The following TBC1D9 variants were observed in gnomAD, a reference collection of about 807,000 sequenced individuals.
TBC1D9 encodes TBC1 domain family member 9A.
TBC1D9 carries 63 observed loss-of-function variants against 132.0 expected under a neutral mutation model. That is an observed-to-expected ratio of 0.48 (90% CI 0.39 to 0.59). The LOEUF (loss-of-function observed/expected upper bound fraction) is 0.59. TBC1D9 is among the 20% of genes least tolerant of loss of function. TBC1D9 has a pLI of 0.00. For missense variants in TBC1D9, 1,261 were observed against 1,592.7 expected (o/e 0.79, Z 3.54); for synonymous variants, 610 against 609.9 (o/e 1.00, Z 0.00).
chr4:140,681,729 C>G (rs1212091258), intron 3 of TBC1D9, among the ~76,000 whole-genome samples: 1 of 152,150 alleles, frequency 6.6e-6, no homozygotes, highest in Non-Finnish European at 1.5e-5. Flanking sequence ...ACAGTATTCC[C>G]ACCTTATAAT....
Position 140,621,364 on chromosome 4 carries a change from C to G in TBC1D9, c.*831G>C, listed in dbSNP as rs1186980255. 5.9e-5 allele frequency: 9 copies of G among 152,284 alleles called. No homozygotes were observed. Among genetic ancestry groups the G allele is most frequent in the Admixed American group, 5.9e-4 (9 of 15,288 alleles). The allele number at this position is 152,284 out of a possible 1,614,324, so 9.4% of individuals were successfully genotyped here. A position where few individuals can be genotyped will look rare whatever the true frequency, so the allele number is the denominator to read the frequency against. ...TATCAGAAGCATCAGTACTTTTACT[C>G]TTTCAAAAACAAAAGCAAAGCAAAA... On this transcript the variant is annotated 3_prime_UTR_variant, in exon 21 of 21. Transcript: ENST00000442267.
chr4:140,623,964 T>C (rs1236541503), intron 20 of TBC1D9, among the ~76,000 whole-genome samples, 152 bp downstream of exon 20: 2 of 151,754 alleles, frequency 1.3e-5, no homozygotes, highest in African/African-American at 2.4e-5. Flanking sequence ...GATGCATAAA[T>C]ACATGCACAA....
chr4:140,716,934 A>C (rs969486113), intron 1 of TBC1D9, among the ~76,000 whole-genome samples: 3 of 151,606 alleles, frequency 2.0e-5, no homozygotes, highest in South Asian at 2.1e-4. Flanking sequence ...AAAAAAAAAA[A>C]ACACAAACAA....
chr4:140,674,691 A>T (rs181185764), intron 6 of TBC1D9, among the ~76,000 whole-genome samples: 8,086 of 144,960 alleles, frequency 0.056, 246 homozygotes, highest in East Asian at 0.095. Flanking sequence ...ATATATATAT[A>T]TTTTTTTTTA....
chr4:140,623,435 T>A (rs1473005501), intron 20 of TBC1D9, among the ~76,000 whole-genome samples: 1 of 152,196 alleles, frequency 6.6e-6, no homozygotes, highest in Non-Finnish European at 1.5e-5. Flanking sequence ...AAAGTAAACA[T>A]CCATGTACAG....
intron 1 of TBC1D9, among the ~76,000 whole-genome samples, chr4:140,717,017 TGA>T (rs1578853994): frequency 6.6e-6 from 1 of 151,644 alleles, no homozygotes; most frequent in Non-Finnish European, 1.5e-5. Context: ...AATAATACAA[TGA>T]AAGACTTGGG....
chr4:140,729,450 AGAT>A (rs758456230), intron 1 of TBC1D9, among the ~76,000 whole-genome samples: 14 of 152,180 alleles, frequency 9.2e-5, no homozygotes, highest in African/African-American at 3.4e-4. Context: ...GGCACCAGGG[AGAT>A]GATAATTTCA....
intron 1 of TBC1D9, among the ~76,000 whole-genome samples, chr4:140,751,940 T>C (rs904181661): frequency 1.3e-5 from 2 of 152,202 alleles, no homozygotes; most frequent in Admixed American, 6.5e-5. Context: ...TTGACAAGGA[T>C]ATGTGATGGA....
intron 1 of TBC1D9, among the ~76,000 whole-genome samples, chr4:140,711,840 C>T (rs78529460): frequency 1.5e-4 from 23 of 152,218 alleles, no homozygotes; most frequent in African/African-American, 5.3e-4. Flanking sequence ...AATTACAATA[C>T]ATGTATTAAT....
chr4:140,673,718 T>G (rs966016150), intron 6 of TBC1D9, among the ~76,000 whole-genome samples: 2 of 152,182 alleles, frequency 1.3e-5, no homozygotes, highest in African/African-American at 4.8e-5. Flanking sequence ...CTCTGCAGAC[T>G]GCCTCTCTTC....
chr4:140,719,666 T>C (rs572481494), intron 1 of TBC1D9, among the ~76,000 whole-genome samples: 7 of 152,284 alleles, frequency 4.6e-5, no homozygotes, highest in African/African-American at 1.7e-4. Flanking sequence ...ATATAATCTA[T>C]CACTGATGTC....
At chr4:140,675,367 G>C (rs900373902) in intron 6 of TBC1D9, among the ~76,000 whole-genome samples, 3 of 152,152 alleles carry the variant, frequency 2.0e-5, no homozygotes, top group Admixed American at 2.0e-4. Context: ...AGGGATGTTA[G>C]CAAGGGGACA....
rs1560891585 is a variant in TBC1D9, at chr4:140,706,685, AC to A, written c.131-5072del. On this transcript the variant is annotated intron_variant, in intron 1 of 20. Transcript: ENST00000442267. This position sits in a 1 kb window ranked among gnomAD's most constrained non-coding sequence, Gnocchi z 4.0. ...GTATTCTTCCTATCCAGGTCCTTAT[AC>A]TTTTACTGAGCCATGTTTTTCATAT... Among the ~76,000 whole-genome samples the A allele has an allele frequency of 2.0e-5, 3 of 151,960 alleles. No homozygotes were observed. The South Asian group carries it at 6.2e-4, about 32-fold the overall frequency.
At position 140,756,175 on chromosome 4, in the gene TBC1D9, C is replaced by CA; in HGVS notation, c.-131_-130insT. Reference sequence around the variant, plus strand: ...CGTCCGCTAGGTGCGGCGGCGGCGGCGGCAGGCGACTTCAGGGGGTGGCCC... The same window carrying CA: ...CGTCCGCTAGGTGCGGCGGCGGCGGCAGGCAGGCGACTTCAGGGGGTGGCCC... On this transcript the variant is annotated 5_prime_UTR_variant, in exon 1 of 21. Coordinates refer to ENST00000442267, the MANE Select transcript of TBC1D9 (RefSeq NM_015130.3). The surrounding 1 kb of genome is among the most constrained non-coding windows in gnomAD (Gnocchi z 5.6). 3.2e-6 allele frequency: 2 copies of CA among 632,210 alleles called. No individual in the cohort carries two copies. The highest frequency in any genetic ancestry group is 4.6e-6 in the Non-Finnish European group (2 of 435,210). The allele number at this position is 632,210 out of a possible 1,614,324, so 39.2% of individuals were successfully genotyped here.
chr4:140,649,959 C>T (rs911030261), intron 13 of TBC1D9, among the ~76,000 whole-genome samples: 91 of 152,106 alleles, frequency 6.0e-4, no homozygotes, highest in Non-Finnish European at 2.6e-4. Context: ...TTATATTTTA[C>T]GTAAAAATAT....
chr4:140,634,887 A>G (rs969223064), intron 15 of TBC1D9, among the ~76,000 whole-genome samples: 1 of 152,200 alleles, frequency 6.6e-6, no homozygotes, highest in African/African-American at 2.4e-5. Flanking sequence ...ATAGAGATCC[A>G]GACCCAGCAA....
chr4:140,645,415 A>C, intron 13 of TBC1D9: 1 of 450,130 alleles, frequency 2.2e-6, no homozygotes, highest in Non-Finnish European at 4.4e-6. Context: ...GCGCATCCAA[A>C]TGCCTTGGCA....
Position 140,672,890 on chromosome 4 carries a change from T to C in TBC1D9, c.1060-1964A>G, listed in dbSNP as rs531121345. On this transcript the variant is annotated intron_variant, in intron 6 of 20. Coordinates refer to ENST00000442267, the MANE Select transcript of TBC1D9 (RefSeq NM_015130.3). ...TGAATGAAAAAAAAGGCTAGGCACG[T>C]GGCTCACGCCTGTAATCCCAGCACT... Among the ~76,000 whole-genome samples the C allele has an allele frequency of 7.2e-5, 11 of 152,336 alleles. No individual in the cohort carries two copies. The South Asian group carries it at 1.5e-3, about 20-fold the overall frequency.
rs1737525363 is a variant in TBC1D9, at chr4:140,670,900, G to A, written c.1086C>T (p.Ser362=). The change falls in exon 7 of 21, where the codon AGC becomes AGT. Residue 362 remains serine, a synonymous_variant. Coordinates refer to ENST00000442267, the MANE Select transcript of TBC1D9 (RefSeq NM_015130.3). ...REVTIVEKAD[S]SSVLPSPLSI... ...ATAAGGGACTGGGGAGCACACTGGAGCTGTCTGCCTTTTCCACAATTGTCA... is the reference window on the plus strand; with the variant it reads ...ATAAGGGACTGGGGAGCACACTGGAACTGTCTGCCTTTTCCACAATTGTCA... The A allele has an allele frequency of 6.2e-7, 1 of 1,614,034 alleles. No homozygotes were observed. The highest frequency in any genetic ancestry group is 8.5e-7 in the Non-Finnish European group (1 of 1,179,894).
Sources: allele counts gnomAD v4.1 joint callset (sites outside exome capture counted in the v4.1 genomes callset), GRCh38; gene constraint gnomAD v4.1.1; non-coding constraint Gnocchi (gnomAD v3.1); transcripts MANE v1.5; gene names NCBI Gene and HGNC (gene_info 2026-07-23, HGNC 2026-07-21).